Variants in TRHDE observed in about 807,000 individuals in gnomAD.
TRHDE encodes the protein thyrotropin releasing hormone degrading enzyme, also known as thyrotropin-releasing hormone-degrading ectoenzyme.
TRHDE carries 72 observed loss-of-function variants against 125.7 expected under a neutral mutation model. The ratio of observed to expected loss-of-function variants is 0.57; its 90% confidence interval spans 0.47 to 0.70. TRHDE has a LOEUF of 0.70. Among genes scored for constraint, TRHDE ranks in the 30% least tolerant of loss-of-function variants. TRHDE has a pLI of 0.00. For synonymous variants in TRHDE, 509 were observed against 509.1 expected (o/e 1.00, Z 0.00); for missense variants, 1,110 against 1,327.1 (o/e 0.84, Z 2.54).
At chr12:72,279,298 C>A (rs966276812) in intron 1 of TRHDE, among the ~76,000 whole-genome samples, 1 of 151,738 alleles carries the variant, frequency 6.6e-6, no homozygotes, top group Admixed American at 6.6e-5. Context: ...AATAATTTAC[C>A]TTTAAGGCAT....
intron 3 of TRHDE, among the ~76,000 whole-genome samples, chr12:72,393,662 AC>A (rs1366277901): frequency 6.6e-6 from 1 of 152,198 alleles, no homozygotes; most frequent in East Asian, 1.9e-4. Context: ...ATAAATGATC[AC>A]AAAAAAGAAA....
Position 72,409,919 on chromosome 12 carries a change from A to T in TRHDE, c.1315+31798A>T, listed in dbSNP as rs545687646. On this transcript the variant is annotated intron_variant, in intron 3 of 18. Coordinates refer to ENST00000261180, the MANE Select transcript of TRHDE (RefSeq NM_013381.3). ...TCAAGTGTTTGAAGGTCCTTGCATT[A>T]TCCAGGAATAGGGCAGCAATTAAAA... is the stretch of plus-strand genomic sequence containing the variant. Among the ~76,000 whole-genome samples, 4 of 152,256 alleles carry T rather than the reference A, an allele frequency of 2.6e-5. No individual in the cohort carries two copies. The East Asian group carries it at 7.7e-4, about 29-fold the overall frequency.
At chr12:72,462,025 G>C (rs1426886520) in intron 3 of TRHDE, among the ~76,000 whole-genome samples, 1 of 152,182 alleles carries the variant, frequency 6.6e-6, no homozygotes, top group Non-Finnish European at 1.5e-5. Context: ...TGAAAGCTGA[G>C]AGAGGCTAAA....
chr12:72,212,435 A>G (rs1327953261), intron 2 of TRHDE, among the ~76,000 whole-genome samples: 1 of 152,164 alleles, frequency 6.6e-6, no homozygotes, highest in East Asian at 1.9e-4. Context: ...AAGAATCCAC[A>G]CAATGAAATA....
At position 72,413,671 on chromosome 12, in the gene TRHDE, A is replaced by G. The variant is rs1336550547; in HGVS notation, c.1315+35550A>G. ...ATAGTAAATTGCTTGCCAAAAACTAATCTATTATAATTAATACACACATTA... is the reference window on the plus strand; with the variant it reads ...ATAGTAAATTGCTTGCCAAAAACTAGTCTATTATAATTAATACACACATTA... On this transcript the variant is annotated intron_variant, in intron 3 of 18. Transcript: ENST00000261180. Among the ~76,000 whole-genome samples the G allele has an allele frequency of 3.9e-5, 6 of 152,088 alleles. 1 individual carries two copies. In the South Asian group the frequency reaches 6.2e-4, roughly 16 times the overall value.
At position 72,181,950 on chromosome 12, in the gene TRHDE, A is replaced by G. The variant is rs151206714; in HGVS notation, n.279+76198A>G. Among the ~76,000 whole-genome samples the G allele has an allele frequency of 4.8e-3, 733 of 152,298 alleles. 7 individuals are homozygous for G. The highest frequency in any genetic ancestry group is 0.016 in the African/African-American group (681 of 41,566). ...CCACTTTATGACATGATTTTCAGAA[A>G]CACATTGCAATAAAAGTAGAAAATA... On this transcript the variant is annotated intron_variant and non_coding_transcript_variant, in intron 2 of 4. Transcript: ENST00000548156.
At chr12:72,400,710 ATATTT>A (rs1162591843) in intron 3 of TRHDE, among the ~76,000 whole-genome samples, 1 of 152,138 alleles carries the variant, frequency 6.6e-6, no homozygotes, top group African/African-American at 2.4e-5. Context: ...GTTAAACCAC[ATATTT>A]TATTTTATTG....
intron 12 of TRHDE, among the ~76,000 whole-genome samples, chr12:72,594,530 G>A (rs1198924472): frequency 6.8e-6 from 1 of 147,902 alleles, no homozygotes; most frequent in Non-Finnish European, 1.5e-5. Flanking sequence ...ATATTACTAG[G>A]TATAAAGTAC....
chr12:72,329,663 A>G (rs557596247), intron 2 of TRHDE, among the ~76,000 whole-genome samples: 2 of 152,332 alleles, frequency 1.3e-5, no homozygotes, highest in East Asian at 3.9e-4. Flanking sequence ...ATATATCTCC[A>G]TATTAAAGAA....
chr12:72,153,513 GC>G (rs1305331943), intron 2 of TRHDE, among the ~76,000 whole-genome samples: 2 of 152,160 alleles, frequency 1.3e-5, no homozygotes, highest in African/African-American at 4.8e-5. Flanking sequence ...GATCTTTCCT[GC>G]TTTCTCTTGT....
chr12:72,619,608 A>G (rs1211040658), intron 13 of TRHDE, among the ~76,000 whole-genome samples: 2 of 152,194 alleles, frequency 1.3e-5, no homozygotes, highest in Non-Finnish European at 2.9e-5. Context: ...GATTTTCTGA[A>G]CTCAAAACCT....
chr12:72,232,332 C>A (rs1289767790), intron 2 of TRHDE, among the ~76,000 whole-genome samples: 6 of 152,156 alleles, frequency 3.9e-5, no homozygotes, highest in Non-Finnish European at 8.8e-5. Flanking sequence ...GGTGGTCCCT[C>A]CTTGTCTAGT....
At position 72,607,553 on chromosome 12, in the gene TRHDE, T is replaced by C. The variant is rs185731360; in HGVS notation, c.2322-11338T>C. On this transcript the variant is annotated intron_variant, in intron 12 of 18. Transcript: ENST00000261180. ...CAGAATAAATCCTTGATGGTTTTCTTTATTTTTCAGTTTCAAAACTAATGA... is the reference window on the plus strand; with the variant it reads ...CAGAATAAATCCTTGATGGTTTTCTCTATTTTTCAGTTTCAAAACTAATGA... 7.2e-5 allele frequency among the ~76,000 whole-genome samples: 11 copies of C among 152,262 alleles called. No individual in the cohort carries two copies. The East Asian group carries it at 2.1e-3, about 29-fold the overall frequency.
At chr12:72,146,829 C>T (rs1281655254) in intron 2 of TRHDE, among the ~76,000 whole-genome samples, 1 of 152,232 alleles carries the variant, frequency 6.6e-6, no homozygotes, top group Non-Finnish European at 1.5e-5. Context: ...TGCCCAGCAT[C>T]CCGCAAGAAT....
chr12:72,091,576 G>T (rs1009598724), intron 1 of TRHDE, among the ~76,000 whole-genome samples: 2 of 152,050 alleles, frequency 1.3e-5, no homozygotes, highest in African/African-American at 4.8e-5. Flanking sequence ...CTTTTACAAG[G>T]GTGTGCACGT....
At chr12:72,597,758 T>C (rs1381279366) in intron 12 of TRHDE, among the ~76,000 whole-genome samples, 40 of 20,312 alleles carry the variant, frequency 2.0e-3, no homozygotes, top group African/African-American at 7.5e-3. Context: ...TATATATATA[T>C]GCATACACAC....
At chr12:72,618,365 A>G (rs896547532) in intron 12 of TRHDE, among the ~76,000 whole-genome samples, 1 of 152,270 alleles carries the variant, frequency 6.6e-6, no homozygotes, top group Non-Finnish European at 1.5e-5. Context: ...TATCGGTGTT[A>G]TGGAAAGCAA....
chr12:72,566,414 TA>T (rs1331518209), intron 9 of TRHDE, among the ~76,000 whole-genome samples: 41 of 151,994 alleles, frequency 2.7e-4, no homozygotes, highest in Admixed American at 9.2e-4. Flanking sequence ...GTTAACCTTA[TA>T]GTTAACTTGT....
intron 2 of TRHDE, among the ~76,000 whole-genome samples, chr12:72,148,251 C>T (rs1876274115): frequency 6.6e-6 from 1 of 152,170 alleles, no homozygotes; most frequent in Non-Finnish European, 1.5e-5. Flanking sequence ...CCTCAAGTGA[C>T]TTTCCAGGAA....
Sources: gnomAD v4.1 joint callset for allele counts (sites outside exome capture counted in the v4.1 genomes callset) on GRCh38, gnomAD v4.1.1 for gene constraint, MANE v1.5 for transcripts, NCBI Gene and HGNC (gene_info 2026-07-23, HGNC 2026-07-21) for gene names.